C6orf132: variants seen among roughly 807,000 people sequenced by gnomAD.
C6orf132 encodes the protein chromosome 6 open reading frame 132.
A neutral mutation model predicts 65.3 loss-of-function variants in C6orf132; 43 were observed. That is an observed-to-expected ratio of 0.66 (90% CI 0.52 to 0.85). C6orf132 has a LOEUF of 0.85. Among genes scored for constraint, C6orf132 ranks in the 40% least tolerant of loss-of-function variants. The pLI, the probability that C6orf132 is intolerant of heterozygous loss-of-function variation, is 0.00. For missense variants in C6orf132, 1,488 were observed against 1,548.8 expected (o/e 0.96, Z 0.66); for synonymous variants, 631 against 654.1 (o/e 0.96, Z 0.54).
rs141220046 is a variant in C6orf132 at position 42,120,903 on chromosome 6, G to A, written c.252+7769C>T. ...CCCAAAGTGTTGGGATTACAGGCAT[G>A]AGCCACCGCGCCTGGCCTAGTTTTC... is the stretch of plus-strand genomic sequence containing the variant. On this transcript the variant is annotated intron_variant, in intron 2 of 4. Transcript: ENST00000341865. 4.3e-3 allele frequency among the ~76,000 whole-genome samples: 659 copies of A among 152,334 alleles called. 5 individuals carry two copies. The highest frequency in any genetic ancestry group is 0.015 in the African/African-American group (633 of 41,564).
chr6:42,109,312 G>C (rs1766462540), intron 3 of C6orf132, among the ~76,000 whole-genome samples: 1 of 152,004 alleles, frequency 6.6e-6, no homozygotes, highest in African/African-American at 2.4e-5. Flanking sequence ...GTGCACCTAT[G>C]GTCCCAGCTA....
Position 42,107,247 on chromosome 6 carries a change from G to A in C6orf132, c.665C>T (p.Ala222Val). 1 of 820,070 alleles carries A rather than the reference G, an allele frequency of 1.2e-6. No individual in the cohort carries two copies. Among genetic ancestry groups the A allele is most frequent in the Non-Finnish European group, 1.6e-6 (1 of 613,662 alleles). 50.8% of individuals were successfully genotyped at this position (820,070 alleles called of 1,614,324 possible). ...AGGAGGCGGTGGGGGGGCTAGAAAG[G>A]CCAAGGGTGGGGCAGGGGGAATGAA... The part of the protein sequence containing the change: ...PDFIPPAPPL[A>V]FLAPPPPPVP... Residue 222 changes from alanine to valine, a missense_variant, in exon 4 of 5, where the codon GCC (alanine) becomes GTC (valine). Transcript: ENST00000341865.
At chr6:42,134,546 G>T (rs927246402) in intron 1 of C6orf132, among the ~76,000 whole-genome samples, 1 of 152,088 alleles carries the variant, frequency 6.6e-6, no homozygotes, top group African/African-American at 2.4e-5. Flanking sequence ...GGCCAAGGCG[G>T]GTGGATCACC....
chr6:42,110,090 G>C (rs1437187989), intron 3 of C6orf132, 126 bp downstream of exon 3: 1 of 718,570 alleles, frequency 1.4e-6, no homozygotes, highest in Non-Finnish European at 2.2e-6. Context: ...AGGATGGCGA[G>C]AGTGGCTGTG....
chr6:42,108,448 A>C (rs533158468), intron 3 of C6orf132, among the ~76,000 whole-genome samples: 4 of 152,276 alleles, frequency 2.6e-5, no homozygotes, highest in African/African-American at 9.6e-5. Context: ...TGTGTGAGAC[A>C]GGGAAGGTGG....
chr6:42,106,010 C>G lies in C6orf132; in HGVS notation c.1902G>C (p.Lys634Asn), dbSNP rs1297798658. 1 of 1,537,190 alleles carries G rather than the reference C, an allele frequency of 6.5e-7. No individual in the cohort carries two copies. Among genetic ancestry groups the G allele is most frequent in the South Asian group, 1.2e-5 (1 of 84,060 alleles). The change falls in exon 4 of 5, where the codon AAG becomes AAC. Residue 634 changes from lysine to asparagine, a missense_variant. Lys to Asn is a moderately conservative substitution (Grantham distance 94, BLOSUM62 0). Coordinates refer to ENST00000341865, the MANE Select transcript of C6orf132 (RefSeq NM_001164446.3). ...TLLPTTSLQPKAMLGPAIPPK... is the reference protein window; with the variant it reads ...TLLPTTSLQPNAMLGPAIPPK... ...GTGGTATGGCTGGTCCCAACATAGC[C>G]TTGGGCTGGAGTGATGTAGTTGGCA...
rs1475179766 is a variant in C6orf132 at position 42,104,035 on chromosome 6, C to T, written c.3450-157G>A. 1.4e-5 allele frequency among the ~76,000 whole-genome samples: 2 copies of T among 147,588 alleles called. No individual in the cohort carries two copies. Among genetic ancestry groups the T allele is most frequent in the African/African-American group, 5.4e-5 (2 of 37,052 alleles). ...ATCGACCCCAGGGAGGGACCGCAGA[C>T]ATCACAAACAGGGCTCCCATTCTGG... On this transcript the variant is annotated intron_variant, in intron 4 of 4. Coordinates refer to ENST00000341865, the MANE Select transcript of C6orf132 (RefSeq NM_001164446.3). This position sits in a 1 kb window ranked among gnomAD's most constrained non-coding sequence, Gnocchi z 4.1.
At position 42,107,055 on chromosome 6, in the gene C6orf132, C is replaced by A; in HGVS notation, c.857G>T (p.Ser286Ile). The change falls in exon 4 of 5, where the codon AGC becomes ATC. Residue 286 changes from serine to isoleucine, a missense_variant. Coordinates refer to ENST00000341865, the MANE Select transcript of C6orf132 (RefSeq NM_001164446.3). ...GGGCTCTGGGTTAGGTCCCAGGGCG[C>A]TCCCCTTTGGCTCAGCAGGGCTTCT... ...PPRSPAEPKG[S>I]ALGPNPEPHL... is the part of the protein sequence containing the mutation. The A allele has an allele frequency of 1.3e-6, 2 of 1,500,858 alleles. No homozygotes were observed. Among genetic ancestry groups the A allele is most frequent in the Non-Finnish European group, 8.9e-7 (1 of 1,126,492 alleles). 93.0% of individuals were successfully genotyped at this position (1,500,858 alleles called of 1,614,324 possible).
At chr6:42,139,806 C>A (rs1767005591) in intron 1 of C6orf132, among the ~76,000 whole-genome samples, 1 of 152,166 alleles carries the variant, frequency 6.6e-6, no homozygotes, top group African/African-American at 2.4e-5. Flanking sequence ...ATTGGACACC[C>A]TGTTTAGAGC....
intron 2 of C6orf132, among the ~76,000 whole-genome samples, chr6:42,119,283 T>C (rs1389381701): frequency 7.3e-6 from 1 of 137,056 alleles, no homozygotes; most frequent in South Asian, 2.3e-4. Context: ...AAAGGGAGAA[T>C]TCCTGGCCTC....
chr6:42,111,694 G>A (rs1359570156), intron 2 of C6orf132, among the ~76,000 whole-genome samples: 1 of 152,124 alleles, frequency 6.6e-6, no homozygotes, highest in Non-Finnish European at 1.5e-5. Context: ...CAAAGTGTGG[G>A]GATAACAGGT....
At chr6:42,138,838 C>T (rs1766990951) in intron 1 of C6orf132, among the ~76,000 whole-genome samples, 1 of 133,692 alleles carries the variant, frequency 7.5e-6, no homozygotes, top group South Asian at 2.4e-4. Context: ...TCTCTGCTTT[C>T]TCATGCATTT....
At chr6:42,127,544 C>A (rs1766785861) in intron 2 of C6orf132, among the ~76,000 whole-genome samples, 1 of 152,174 alleles carries the variant, frequency 6.6e-6, no homozygotes, top group Admixed American at 6.5e-5. Flanking sequence ...GGACCCAGGA[C>A]CAATGTGTGG....
At chr6:42,113,304 A>T (rs1224868863) in intron 2 of C6orf132, among the ~76,000 whole-genome samples, 1 of 152,186 alleles carries the variant, frequency 6.6e-6, no homozygotes, top group African/African-American at 2.4e-5. Flanking sequence ...GGTTCCATTC[A>T]TGCTCAGGCT....
Position 42,104,373 on chromosome 6 carries a change from T to C in C6orf132, c.3449+90A>G. On this transcript the variant is annotated intron_variant, in intron 4 of 4. Coordinates refer to ENST00000341865, the MANE Select transcript of C6orf132 (RefSeq NM_001164446.3). This position sits in a 1 kb window ranked among gnomAD's most constrained non-coding sequence, Gnocchi z 4.1. ...AAGGCCGAAGGGAGAAAACCAAATG[T>C]TTTCTCTTGACGGATGGCCGGGACT... The C allele has an allele frequency of 8.2e-7, 1 of 1,224,406 alleles. No individual in the cohort carries two copies. The highest frequency in any genetic ancestry group is 1.0e-6 in the Non-Finnish European group (1 of 983,646). 75.8% of individuals were successfully genotyped at this position (1,224,406 alleles called of 1,614,324 possible).
intron 3 of C6orf132, among the ~76,000 whole-genome samples, chr6:42,107,846 C>T (rs980733208): frequency 6.6e-6 from 1 of 152,102 alleles, no homozygotes; most frequent in Non-Finnish European, 1.5e-5. Context: ...ATTTGCCTCC[C>T]CAGAGTCACC....
rs1275604414 is a variant in C6orf132, at chr6:42,104,983, CCTCCTCCCT to C, written c.2920_2928del (p.Arg974_Glu976del). 1.3e-5 allele frequency: 20 copies of C among 1,511,366 alleles called. No individual in the cohort carries two copies. Among genetic ancestry groups the C allele is most frequent in the Non-Finnish European group, 1.4e-5 (16 of 1,134,248 alleles). 93.6% of individuals were successfully genotyped at this position (1,511,366 alleles called of 1,614,324 possible). A position where few individuals can be genotyped will look rare whatever the true frequency, so the allele number is the denominator to read the frequency against. ...ACCTCGAAGTTGAACTCCTCCTCCTCCTCCTCCCTCTTGTTCGAAGGAGAAGGTGGGGAG... is the reference window on the plus strand; with the variant it reads ...ACCTCGAAGTTGAACTCCTCCTCCTCCTTGTTCGAAGGAGAAGGTGGGGAG... On this transcript the variant is annotated inframe_deletion, in exon 4 of 5. Coordinates refer to ENST00000341865, the MANE Select transcript of C6orf132 (RefSeq NM_001164446.3). The surrounding 1 kb of genome is among the most constrained non-coding windows in gnomAD (Gnocchi z 4.1).
chr6:42,131,367 A>G (rs1341266454), intron 1 of C6orf132, among the ~76,000 whole-genome samples: 1 of 152,204 alleles, frequency 6.6e-6, no homozygotes, highest in Non-Finnish European at 1.5e-5. Flanking sequence ...CATCTTACAC[A>G]TTATTAATTC....
chr6:42,116,976 C>T (rs1766592987), intron 2 of C6orf132, among the ~76,000 whole-genome samples: 1 of 152,216 alleles, frequency 6.6e-6, no homozygotes, highest in African/African-American at 2.4e-5. Flanking sequence ...AAAGTCACTG[C>T]TCCCACTTGC....
Sources: gnomAD v4.1 joint callset for allele counts (sites outside exome capture counted in the v4.1 genomes callset) on GRCh38, gnomAD v4.1.1 for gene constraint, Gnocchi (gnomAD v3.1) non-coding constraint, MANE v1.5 for transcripts, NCBI Gene and HGNC (gene_info 2026-07-23, HGNC 2026-07-21) for gene names.